Variants in IRAK1BP1 observed in about 807,000 individuals in gnomAD.
IRAK1BP1 encodes interleukin 1 receptor associated kinase 1 binding protein 1, also known as interleukin-1 receptor-associated kinase 1-binding protein 1.
IRAK1BP1 carries 24 observed loss-of-function variants against 28.0 expected under a neutral mutation model. That is an observed-to-expected ratio of 0.86 (90% CI 0.62 to 1.20). The LOEUF (loss-of-function observed/expected upper bound fraction) is 1.20, where lower values mean the gene tolerates loss of function less well. IRAK1BP1 is among the 50% of genes most tolerant of loss of function. The pLI is 0.00. For synonymous variants in IRAK1BP1, 131 were observed against 116.3 expected (o/e 1.13, Z -0.81); for missense variants, 336 against 316.7 (o/e 1.06, Z -0.46).
chr6:78,971,600 A>G, the IRAK1BP1 span, among the ~76,000 whole-genome samples: 1 of 152,114 alleles, frequency 6.6e-6, no homozygotes, highest in Non-Finnish European at 1.5e-5. Context: ...TGATTTCTGC[A>G]TTTCCATCTG....
chr6:78,964,681 C>A, the IRAK1BP1 span, among the ~76,000 whole-genome samples: 1 of 151,990 alleles, frequency 6.6e-6, no homozygotes, highest in Non-Finnish European at 1.5e-5. Flanking sequence ...TTAGTTGAGA[C>A]GGGGTTTCAC....
At position 78,901,536 on chromosome 6, in the gene IRAK1BP1, A is replaced by G. The variant is rs1772097684; in HGVS notation, c.*3202A>G. 1 of 152,100 alleles carries G rather than the reference A, an allele frequency of 6.6e-6. No individual in the cohort carries two copies. The highest frequency in any genetic ancestry group is 2.4e-5 in the African/African-American group (1 of 41,434). 9.4% of individuals were successfully genotyped at this position (152,100 alleles called of 1,614,324 possible). A position where few individuals can be genotyped will look rare whatever the true frequency, so the allele number is the denominator to read the frequency against. On this transcript the variant is annotated 3_prime_UTR_variant, in exon 4 of 4. Coordinates refer to ENST00000369940, the MANE Select transcript of IRAK1BP1 (RefSeq NM_001010844.4). ...CCTTCTTTTGAACTCTGTTTAAAAAAAAAAAAATCTTTCCAGAAAGTAGGA... is the reference window on the plus strand; with the variant it reads ...CCTTCTTTTGAACTCTGTTTAAAAAGAAAAAAATCTTTCCAGAAAGTAGGA...
At chr6:78,868,336 A>G (rs1770664871) in intron 1 of IRAK1BP1, among the ~76,000 whole-genome samples, 1 of 152,226 alleles carries the variant, frequency 6.6e-6, no homozygotes, top group Admixed American at 6.5e-5. Context: ...CCGATCATGT[A>G]AAACTTTGCA....
Position 78,946,305 on chromosome 6 carries a change from G to T in IRAK1BP1, c.*965G>T. On this transcript the variant is annotated 3_prime_UTR_variant and NMD_transcript_variant, in exon 5 of 5. Transcript: ENST00000606868. Reference sequence around the variant, plus strand: ...GTCAGTCACTCTTATAGCTCTATGTGAACGAATAAAACAGTTTATAATATT... The same window carrying T: ...GTCAGTCACTCTTATAGCTCTATGTTAACGAATAAAACAGTTTATAATATT... The T allele has an allele frequency of 1.9e-6, 3 of 1,540,282 alleles. No individual in the cohort carries two copies. The South Asian group carries it at 3.6e-5, about 19-fold the overall frequency.
chr6:78,933,901 T>C lies in IRAK1BP1; in HGVS notation c.*68-11507T>C, dbSNP rs143071734. Among the ~76,000 whole-genome samples the C allele has an allele frequency of 4.3e-3, 648 of 152,272 alleles. 13 individuals are homozygous for C. The South Asian group carries it at 0.071, about 17-fold the overall frequency. The stretch of plus-strand genomic sequence containing the variant: ...TAACTTCCTTCAATGACTTTTCCTT[T>C]GCTTACACAACTTGGCTGCTTGGCA... On this transcript the variant is annotated intron_variant and NMD_transcript_variant, in intron 4 of 4. Transcript: ENST00000606868.
intron 4 of IRAK1BP1, among the ~76,000 whole-genome samples, chr6:78,942,525 C>T (rs548359909): frequency 1.2e-4 from 18 of 152,172 alleles, no homozygotes; most frequent in Non-Finnish European, 2.6e-4. Context: ...GGTTAAGAGA[C>T]TTACCAAAGG....
intron 4 of IRAK1BP1, among the ~76,000 whole-genome samples, chr6:78,928,350 TG>T (rs1165539810): frequency 6.6e-6 from 1 of 152,186 alleles, no homozygotes; most frequent in African/African-American, 2.4e-5. Flanking sequence ...TACTGATTTT[TG>T]TATGTTGATT....
chr6:78,956,059 C>T, the IRAK1BP1 span: 3 of 153,988 alleles, frequency 1.9e-5, no homozygotes, highest in African/African-American at 7.2e-5. Flanking sequence ...TGACACTGTA[C>T]CTTTTGCTTC....
chr6:78,870,749 C>T (rs1346810998), intron 1 of IRAK1BP1, among the ~76,000 whole-genome samples: 5 of 151,754 alleles, frequency 3.3e-5, no homozygotes, highest in East Asian at 3.9e-4. Context: ...TCGCTTTTGT[C>T]GCCCAGGCTG....
chr6:78,923,235 C>A (rs370557766), intron 4 of IRAK1BP1, among the ~76,000 whole-genome samples: 11 of 150,510 alleles, frequency 7.3e-5, no homozygotes, highest in African/African-American at 2.7e-4. Flanking sequence ...GAAGATCTAC[C>A]AAGCACATGG....
In IRAK1BP1 at chr6:78,899,171, T is replaced by C. The variant is rs1772011532; in HGVS notation, c.*837T>C. 1 of 152,190 alleles carries C rather than the reference T, an allele frequency of 6.6e-6. No homozygotes were observed. Among genetic ancestry groups the C allele is most frequent in the South Asian group, 2.1e-4 (1 of 4,828 alleles). 9.4% of individuals were successfully genotyped at this position (152,190 alleles called of 1,614,324 possible). On this transcript the variant is annotated 3_prime_UTR_variant, in exon 4 of 4. Transcript: ENST00000369940. Reference sequence around the variant, plus strand: ...TATCCATGAACAGAAGCAAACCTGCTCTTTGCCTCATCCCTTATAGATGCT... The same window carrying C: ...TATCCATGAACAGAAGCAAACCTGCCCTTTGCCTCATCCCTTATAGATGCT...
intron 2 of IRAK1BP1, among the ~76,000 whole-genome samples, chr6:78,894,963 C>G (rs2127652692): frequency 6.6e-6 from 1 of 152,092 alleles, no homozygotes; most frequent in East Asian, 1.9e-4. Context: ...CAAAAATTAG[C>G]TGGGCATGGT....
chr6:78,922,943 C>T (rs944413251), intron 4 of IRAK1BP1, among the ~76,000 whole-genome samples: 4 of 152,136 alleles, frequency 2.6e-5, no homozygotes, highest in African/African-American at 7.2e-5. Context: ...TGGAAAGGAA[C>T]AATCGGTACC....
the IRAK1BP1 span, chr6:78,963,197 T>A: frequency 6.2e-7 from 1 of 1,610,716 alleles, no homozygotes. Flanking sequence ...AGATTAGTGA[T>A]CTGCACTCAC....
chr6:78,874,113 A>T (rs1770899791), intron 1 of IRAK1BP1, among the ~76,000 whole-genome samples: 1 of 152,246 alleles, frequency 6.6e-6, no homozygotes, highest in African/African-American at 2.4e-5. Context: ...ACCATAGCTT[A>T]AAAAGAAAAA....
chr6:78,959,069 G>A, the IRAK1BP1 span, among the ~76,000 whole-genome samples: 1 of 152,096 alleles, frequency 6.6e-6, no homozygotes, highest in East Asian at 1.9e-4. Flanking sequence ...GCCACCTTAT[G>A]AGATACAAAA....
chr6:78,868,340 C>G (rs1770664976), intron 1 of IRAK1BP1, among the ~76,000 whole-genome samples: 1 of 152,182 alleles, frequency 6.6e-6, no homozygotes, highest in East Asian at 1.9e-4. Context: ...TCATGTAAAA[C>G]TTTGCATGGA....
At chr6:78,872,681 A>G (rs1387280293) in intron 1 of IRAK1BP1, among the ~76,000 whole-genome samples, 1 of 152,188 alleles carries the variant, frequency 6.6e-6, no homozygotes, top group Non-Finnish European at 1.5e-5. Context: ...GGGATCCTCA[A>G]CTGGTAATGT....
downstream of IRAK1BP1, chr6:78,947,528 A>G (rs1267145585): frequency 6.5e-6 from 4 of 614,830 alleles, no homozygotes; most frequent in African/African-American, 5.6e-5. Flanking sequence ...CAGAAAGTTA[A>G]CTTTGACCTA....
Sources: gnomAD v4.1 joint callset for allele counts (sites outside exome capture counted in the v4.1 genomes callset) on GRCh38, gnomAD v4.1.1 for gene constraint, MANE v1.5 for transcripts, NCBI Gene and HGNC (gene_info 2026-07-23, HGNC 2026-07-21) for gene names.